The following LUZP2 variants were observed in gnomAD, a reference collection of about 807,000 sequenced individuals.
LUZP2 encodes the protein leucine zipper protein 2.
In LUZP2, 52 loss-of-function variants were observed where a neutral mutation model predicts 51.6. That is an observed-to-expected ratio of 1.01 (90% confidence interval 0.81 to 1.27). The LOEUF (loss-of-function observed/expected upper bound fraction) is 1.27, where lower values mean the gene tolerates loss of function less well. Ranked by LOEUF, LUZP2 falls within the 50% of genes most tolerant of loss-of-function variation. The probability of loss-of-function intolerance (pLI) is 0.00; values close to 1 mark genes in which losing one functional copy is unlikely to be tolerated. For synonymous variants in LUZP2, 154 were observed against 137.3 expected (o/e 1.12, Z -0.85); for missense variants, 436 against 395.4 (o/e 1.10, Z -0.87).
At chr11:24,946,101 A>G (rs1854891740) in intron 7 of LUZP2, among the ~76,000 whole-genome samples, 1 of 152,048 alleles carries the variant, frequency 6.6e-6, no homozygotes. Flanking sequence ...TCTTTCACTT[A>G]GGGTAATATT....
intron 9 of LUZP2, among the ~76,000 whole-genome samples, chr11:25,019,226 A>G (rs984867342): frequency 1.1e-4 from 16 of 152,212 alleles, no homozygotes; most frequent in African/African-American, 3.6e-4. Context: ...ACATGACAGT[A>G]AACAGAATCT....
intron 5 of LUZP2, among the ~76,000 whole-genome samples, chr11:24,826,964 T>TA (rs1046990592): frequency 1.6e-4 from 25 of 151,986 alleles, no homozygotes; most frequent in Admixed American, 1.6e-3. Context: ...CATCTGGACA[T>TA]AAAAAACCTA....
chr11:24,842,977 T>C (rs1182493113), intron 5 of LUZP2, among the ~76,000 whole-genome samples: 2 of 151,634 alleles, frequency 1.3e-5, no homozygotes, highest in Admixed American at 6.6e-5. Flanking sequence ...TTTAAAAGCC[T>C]AATAAAATAT....
chr11:24,528,999 C>T lies in LUZP2; in HGVS notation c.62+31694C>T, dbSNP rs73429172. On this transcript the variant is annotated intron_variant, in intron 1 of 11. Transcript: ENST00000336930. ...GCTTCAAAACATCCTAACCAGACTT[C>T]TTAGATTTAGCGCAAAACCTATCCT... 8.4e-3 allele frequency among the ~76,000 whole-genome samples: 1,272 copies of T among 151,178 alleles called. 17 individuals are homozygous for T. Among genetic ancestry groups the T allele is most frequent in the African/African-American group, 0.028 (1,174 of 41,428 alleles).
At chr11:24,694,802 T>C (rs1215992461) in intron 1 of LUZP2, among the ~76,000 whole-genome samples, 1 of 152,054 alleles carries the variant, frequency 6.6e-6, no homozygotes, top group East Asian at 1.9e-4. Flanking sequence ...ACCATTATCC[T>C]CAGCAAACTA....
chr11:24,506,462 C>G (rs1242801957), intron 1 of LUZP2, among the ~76,000 whole-genome samples: 2 of 152,084 alleles, frequency 1.3e-5, no homozygotes, highest in Non-Finnish European at 2.9e-5. Context: ...CTTTTTCCTT[C>G]AGATGCCACA....
chr11:24,789,153 C>G (rs1849335081), intron 5 of LUZP2, among the ~76,000 whole-genome samples: 1 of 152,152 alleles, frequency 6.6e-6, no homozygotes, highest in Admixed American at 6.5e-5. Flanking sequence ...TTAGTACGCT[C>G]TATGGACAAC....
chr11:25,072,748 C>G (rs1051941348), intron 10 of LUZP2, among the ~76,000 whole-genome samples: 6 of 151,214 alleles, frequency 4.0e-5, no homozygotes, highest in Non-Finnish European at 5.9e-5. Flanking sequence ...TAGAAGTAAG[C>G]CCATTGGTTT....
In LUZP2 at chr11:24,853,693, G is replaced by A. The variant is rs1367633928; in HGVS notation, c.397-52298G>A. On this transcript the variant is annotated intron_variant, in intron 5 of 11. Coordinates refer to ENST00000336930, the MANE Select transcript of LUZP2 (RefSeq NM_001009909.4). ...CAAGGAGTTGTGATCCTTTGGAGGA[G>A]AAGAGGCTTTCTGGCTTTTGGAATT... 3.9e-5 allele frequency among the ~76,000 whole-genome samples: 6 copies of A among 152,242 alleles called. No individual in the cohort carries two copies. In the East Asian group the frequency reaches 1.2e-3, roughly 30 times the overall value.
At chr11:24,556,000 A>G (rs751203030) in intron 1 of LUZP2, among the ~76,000 whole-genome samples, 2 of 152,124 alleles carry the variant, frequency 1.3e-5, no homozygotes, top group Non-Finnish European at 2.9e-5. Flanking sequence ...GCTATCTGAA[A>G]TTAGCTTCCA....
intron 5 of LUZP2, among the ~76,000 whole-genome samples, chr11:24,855,440 A>G (rs1851531513): frequency 6.6e-6 from 1 of 152,178 alleles, no homozygotes. Flanking sequence ...TAAGGAAACT[A>G]CTAAAACTAA....
At chr11:24,997,541 T>G (rs1856544660) in intron 9 of LUZP2, among the ~76,000 whole-genome samples, 1 of 152,208 alleles carries the variant, frequency 6.6e-6, no homozygotes, top group African/African-American at 2.4e-5. Context: ...ATGAGTAGGT[T>G]GCGAAAATGT....
At chr11:24,830,075 C>G (rs1392967369) in intron 5 of LUZP2, among the ~76,000 whole-genome samples, 1 of 148,742 alleles carries the variant, frequency 6.7e-6, no homozygotes, top group Non-Finnish European at 1.5e-5. Context: ...ATTATTGACA[C>G]TACTTAAATA....
At chr11:24,613,570 G>A (rs1032324066) in intron 1 of LUZP2, among the ~76,000 whole-genome samples, 7 of 151,760 alleles carry the variant, frequency 4.6e-5, no homozygotes, top group Middle Eastern at 3.4e-3. Context: ...GAAGAAATAA[G>A]ACCTGGGCAT....
intron 1 of LUZP2, among the ~76,000 whole-genome samples, chr11:24,677,953 C>T (rs1302113270): frequency 6.6e-6 from 1 of 150,992 alleles, no homozygotes; most frequent in African/African-American, 2.4e-5. Context: ...AAGAGAATGG[C>T]GTGAACCTGG....
intron 4 of LUZP2, among the ~76,000 whole-genome samples, chr11:24,742,485 C>A (rs1022505412): frequency 4.6e-5 from 7 of 151,952 alleles, no homozygotes; most frequent in African/African-American, 1.7e-4. Context: ...TGTTTATTTG[C>A]AATTTGTATA....
chr11:24,762,920 T>G lies in LUZP2; in HGVS notation c.334-326T>G, dbSNP rs542270061. ...TTCCTAGGTTCAACTCTAGAATCTA[T>G]TTTTTCTTTTTTTAAAGAACCACAT... On this transcript the variant is annotated intron_variant, in intron 4 of 11. Coordinates refer to ENST00000336930, the MANE Select transcript of LUZP2 (RefSeq NM_001009909.4). 3.8e-5 allele frequency: 33 copies of G among 877,322 alleles called. No individual in the cohort carries two copies. The East Asian group carries it at 3.6e-3, about 96-fold the overall frequency. The allele number at this position is 877,322 out of a possible 1,614,324, so 54.3% of individuals were successfully genotyped here.
At chr11:24,730,737 C>G (rs866929562) in intron 2 of LUZP2, among the ~76,000 whole-genome samples, 11 of 151,762 alleles carry the variant, frequency 7.2e-5, no homozygotes, top group African/African-American at 2.4e-4. Context: ...GAATACTCAG[C>G]CTTTCTATGC....
chr11:24,648,429 C>CT (rs1344775652), intron 1 of LUZP2, among the ~76,000 whole-genome samples: 1 of 151,948 alleles, frequency 6.6e-6, no homozygotes, highest in Non-Finnish European at 1.5e-5. Context: ...AATTCAGCTG[C>CT]TCGGGTATGT....
Sources: gnomAD v4.1 joint callset for allele counts (sites outside exome capture counted in the v4.1 genomes callset) on GRCh38, gnomAD v4.1.1 for gene constraint, MANE v1.5 for transcripts, NCBI Gene and HGNC (gene_info 2026-07-23, HGNC 2026-07-21) for gene names.